NIPAL1: variants seen among roughly 807,000 people sequenced by gnomAD.
NIPAL1 encodes the protein NIPA like domain containing 1.
Under a neutral mutation model 37.7 loss-of-function variants are expected in NIPAL1, and 35 were observed. The ratio of observed to expected loss-of-function variants is 0.93; its 90% CI spans 0.71 to 1.23. The LOEUF is 1.23. Ranked by LOEUF, NIPAL1 falls within the 50% of genes most tolerant of loss-of-function variation. NIPAL1 has a pLI of 0.00. For synonymous variants in NIPAL1, 162 were observed against 183.0 expected, an observed-to-expected ratio of 0.89 and a Z score of 0.93; for missense variants, 412 against 473.9, an observed-to-expected ratio of 0.87 and a Z score of 1.21.
At chr4:48,021,537 C>T (rs1345531307) in intron 1 of NIPAL1, among the ~76,000 whole-genome samples, 1 of 152,058 alleles carries the variant, frequency 6.6e-6, no homozygotes, top group Non-Finnish European at 1.5e-5. Flanking sequence ...AATATAAGAA[C>T]ATTAGAAGTA....
intron 1 of NIPAL1, among the ~76,000 whole-genome samples, chr4:48,022,640 T>A (rs1402984840): frequency 6.6e-6 from 1 of 152,190 alleles, no homozygotes; most frequent in Non-Finnish European, 1.5e-5. Flanking sequence ...CACTGGTAAG[T>A]CAGGTCCGAT....
chr4:48,018,423 T>C (rs1715498468), intron 1 of NIPAL1, among the ~76,000 whole-genome samples: 1 of 152,216 alleles, frequency 6.6e-6, no homozygotes, highest in Admixed American at 6.5e-5. Flanking sequence ...TGGTAATTAA[T>C]TGTGTGAAAA....
Position 48,025,063 on chromosome 4 carries a change from TCCAGGA to T in NIPAL1, c.47-4_48del, listed in dbSNP as rs1355206601. On this transcript the variant is annotated splice_acceptor_variant and splice_polypyrimidine_tract_variant and coding_sequence_variant and intron_variant, in exon 2 of 6. Coordinates refer to ENST00000295461, the MANE Select transcript of NIPAL1 (RefSeq NM_207330.3). LOFTEE classifies it high-confidence loss of function. ...CCTGACATTCTCTTCTTTCCTTTTT[TCCAGGA>T]TATGTGCTGTCTCTGGTCTGTCCAA... 2 of 1,611,538 alleles carry T rather than the reference TCCAGGA, an allele frequency of 1.2e-6. No homozygotes were observed. The highest frequency in any genetic ancestry group is 1.3e-5 in the African/African-American group (1 of 74,898).
Position 48,038,010 on chromosome 4 carries a change from G to T in NIPAL1, c.*1838G>T, listed in dbSNP as rs1489003910. 1 of 151,094 alleles carries T rather than the reference G, an allele frequency of 6.6e-6. No homozygotes were observed. The highest frequency in any genetic ancestry group is 1.9e-4 in the East Asian group (1 of 5,184). The allele number at this position is 151,094 out of a possible 1,614,324, so 9.4% of individuals were successfully genotyped here. ...TATTAGGTTTGGTTTTTGTTTCTAA[G>T]CTACTTCAAGACTACCTGAGGTAAT... On this transcript the variant is annotated 3_prime_UTR_variant, in exon 6 of 6. Coordinates refer to ENST00000295461, the MANE Select transcript of NIPAL1 (RefSeq NM_207330.3).
chr4:48,032,946 G>T, intron 3 of NIPAL1, 47 bp from the exon 4 acceptor site: 1 of 1,355,772 alleles, frequency 7.4e-7, no homozygotes, highest in South Asian at 1.2e-5. Flanking sequence ...TTTCTCTTCT[G>T]ACAAGTAAGC....
chr4:48,032,897 T>A (rs1370394151), intron 3 of NIPAL1, 96 bp from the exon 4 acceptor site: 2 of 711,482 alleles, frequency 2.8e-6, no homozygotes, highest in Non-Finnish European at 5.0e-6. Flanking sequence ...TCCCATGTAT[T>A]TGGGTTAAAA....
In NIPAL1 at chr4:48,039,574, A is replaced by G. The variant is rs1358399774; in HGVS notation, c.*3402A>G. 6.6e-6 allele frequency: 1 copy of G among 152,264 alleles called. No individual in the cohort carries two copies. The highest frequency in any genetic ancestry group is 1.5e-5 in the Non-Finnish European group (1 of 68,040). 9.4% of individuals were successfully genotyped at this position (152,264 alleles called of 1,614,324 possible). The stretch of plus-strand genomic sequence containing the variant: ...GAAAGATTTTCCTACTTCTGTAAAG[A>G]TAAGTTTCATTATACTTTTGTCTTA... On this transcript the variant is annotated 3_prime_UTR_variant, in exon 6 of 6. Coordinates refer to ENST00000295461, the MANE Select transcript of NIPAL1 (RefSeq NM_207330.3).
chr4:48,031,513 T>G (rs930165870), intron 3 of NIPAL1, among the ~76,000 whole-genome samples: 1 of 152,174 alleles, frequency 6.6e-6, no homozygotes, highest in Non-Finnish European at 1.5e-5. Flanking sequence ...TACTTTATAA[T>G]GAAAATATGA....
At chr4:48,030,242 C>G (rs993186347) in intron 3 of NIPAL1, 66 bp downstream of exon 3, 3 of 1,013,176 alleles carry the variant, frequency 3.0e-6, no homozygotes, top group Non-Finnish European at 4.6e-6. Flanking sequence ...TGAAATTTTT[C>G]ATAATTGGTT....
intron 3 of NIPAL1, 24 bp from the exon 4 acceptor site, chr4:48,032,969 T>G: frequency 6.4e-7 from 1 of 1,569,176 alleles, no homozygotes; most frequent in Non-Finnish European, 8.8e-7. Context: ...ATTTTTTATA[T>G]CAATATCTCT....
chr4:48,036,015 A>T lies in NIPAL1; in HGVS notation c.1076A>T (p.Asn359Ile). The change falls in exon 6 of 6, where the codon AAT becomes ATT. Residue 359 changes from asparagine (N) to isoleucine (I), a missense_variant. Transcript: ENST00000295461. ...IGIFLLHAFK[N>I]TDITWSELTS... ...ATCTTCCTTCTACATGCTTTTAAAAATACTGACATTACTTGGAGTGAGCTT... is the reference window on the plus strand; with the variant it reads ...ATCTTCCTTCTACATGCTTTTAAAATTACTGACATTACTTGGAGTGAGCTT... 1 of 1,613,408 alleles carries T rather than the reference A, an allele frequency of 6.2e-7. No individual in the cohort carries two copies.
At chr4:48,025,444 T>C in intron 2 of NIPAL1, 110 bp downstream of exon 2, 1 of 1,100,420 alleles carries the variant, frequency 9.1e-7, no homozygotes, top group Non-Finnish European at 1.3e-6. Flanking sequence ...TAGTTATTGA[T>C]TTTTTTTCCA....
At chr4:48,032,059 A>G (rs562542722) in intron 3 of NIPAL1, among the ~76,000 whole-genome samples, 1 of 152,248 alleles carries the variant, frequency 6.6e-6, no homozygotes, top group African/African-American at 2.4e-5. Flanking sequence ...TCTTTCGATG[A>G]TAGCAATGTC....
At chr4:48,029,793 G>A (rs1193473457) in intron 2 of NIPAL1, among the ~76,000 whole-genome samples, 1 of 152,104 alleles carries the variant, frequency 6.6e-6, no homozygotes, top group East Asian at 1.9e-4. Flanking sequence ...TACACTTCTA[G>A]GAATTTATCG....
At chr4:48,034,121 A>G (rs927253924) in intron 4 of NIPAL1, among the ~76,000 whole-genome samples, 2 of 152,164 alleles carry the variant, frequency 1.3e-5, no homozygotes, top group African/African-American at 4.8e-5. Context: ...AACCACAGCA[A>G]CTGAAGCATT....
rs1401233089 is a variant in NIPAL1 at position 48,016,844 on chromosome 4, G to A, written c.5G>A (p.Gly2Glu). 1.3e-6 allele frequency: 2 copies of A among 1,586,692 alleles called. No individual in the cohort carries two copies. Among genetic ancestry groups the A allele is most frequent in the African/African-American group, 1.3e-5 (1 of 74,470 alleles). Residue 2 changes from glycine (G) to glutamate (E), a missense_variant, in exon 1 of 6, where the codon GGG (glycine) becomes GAG (glutamate). Transcript: ENST00000295461. M[G>E]AQVRLPPGEP... is the part of the protein sequence containing the mutation. ...CGGAAGCCCGCTCCCGGGGCCATGG[G>A]GGCACAGGTGAGGCTGCCGCCCGGA...
chr4:48,035,201 G>T (rs1271410219), intron 5 of NIPAL1, among the ~76,000 whole-genome samples, 160 bp downstream of exon 5: 1 of 152,148 alleles, frequency 6.6e-6, no homozygotes, highest in East Asian at 1.9e-4. Flanking sequence ...CTGAAAAGAT[G>T]GCAGAACTTA....
At position 48,027,365 on chromosome 4, in the gene NIPAL1, C is replaced by A. The variant is rs181194390; in HGVS notation, c.313+2031C>A. On this transcript the variant is annotated intron_variant, in intron 2 of 5. Transcript: ENST00000295461. This position sits in a 1 kb window ranked among gnomAD's most constrained non-coding sequence, Gnocchi z 4.1. ...TGTTTCACTAGTACCCAAAGAGATACCAACTAGACAATAGTCAGGTTCAGT... is the reference window on the plus strand; with the variant it reads ...TGTTTCACTAGTACCCAAAGAGATAACAACTAGACAATAGTCAGGTTCAGT... Among the ~76,000 whole-genome samples the A allele has an allele frequency of 1.3e-5, 2 of 152,122 alleles. No homozygotes were observed. The highest frequency in any genetic ancestry group is 4.8e-5 in the African/African-American group (2 of 41,510).
intron 2 of NIPAL1, among the ~76,000 whole-genome samples, chr4:48,028,892 C>T (rs1049556628): frequency 3.9e-5 from 6 of 152,104 alleles, no homozygotes; most frequent in African/African-American, 7.2e-5. Flanking sequence ...GTCAGAATGG[C>T]TATTATTAAC....
Sources: gnomAD v4.1 joint callset for allele counts (sites outside exome capture counted in the v4.1 genomes callset) on GRCh38, gnomAD v4.1.1 for gene constraint, Gnocchi (gnomAD v3.1) non-coding constraint, MANE v1.5 for transcripts, NCBI Gene and HGNC (gene_info 2026-07-23, HGNC 2026-07-21) for gene names.